The following SLC2A14 variants were observed in gnomAD, a reference collection of about 807,000 sequenced individuals.
The protein encoded by SLC2A14 is solute carrier family 2 member 14.
SLC2A14 carries 13 observed loss-of-function variants against 43.0 expected under a neutral mutation model. The observed-to-expected ratio is 0.30, with a 90% CI of 0.20 to 0.48. SLC2A14 has a LOEUF of 0.48. Ranked by LOEUF, SLC2A14 falls within the 20% of genes least tolerant of loss-of-function variation. The pLI, the probability that SLC2A14 is intolerant of heterozygous loss-of-function variation, is 0.99. For missense variants in SLC2A14, 428 were observed against 620.4 expected, an observed-to-expected ratio of 0.69 and a Z score of 3.29; for synonymous variants, 190 against 233.8, an observed-to-expected ratio of 0.81 and a Z score of 1.71.
intron 7 of SLC2A14, among the ~76,000 whole-genome samples, chr12:7,821,737 C>T (rs115768530): frequency 1.9e-3 from 288 of 152,016 alleles, no homozygotes; most frequent in South Asian, 5.4e-3. Context: ...TCTTTTTTGA[C>T]GGAGTCTCAA....
chr12:7,827,270 C>CTTTTTT (rs71038780), intron 7 of SLC2A14, among the ~76,000 whole-genome samples: 1 of 99,246 alleles, frequency 1.0e-5, no homozygotes, highest in Non-Finnish European at 1.9e-5. Context: ...TAATTTTTGT[C>CTTTTTT]TTTTTTTTTT....
At chr12:7,885,676 C>G (rs1489314054) in intron 1 of SLC2A14, among the ~76,000 whole-genome samples, 4 of 150,938 alleles carry the variant, frequency 2.7e-5, no homozygotes, top group Non-Finnish European at 4.4e-5. Flanking sequence ...GAAAAGTAAA[C>G]AGACAAACAA....
chr12:7,885,754 G>A (rs1423061291), intron 1 of SLC2A14, among the ~76,000 whole-genome samples: 1 of 151,954 alleles, frequency 6.6e-6, no homozygotes, highest in Non-Finnish European at 1.5e-5. Context: ...TTATTCAGTA[G>A]GTCTCGTGTG....
rs1479056943 is a variant in SLC2A14 at position 7,814,416 on chromosome 12, G to A, written c.1394C>T (p.Ala465Val). Residue 465 changes from alanine (A) to valine (V), a missense_variant, in exon 11 of 11, where the codon GCC (alanine) becomes GTC (valine). By Grantham distance (64) the Ala-to-Val change is moderately conservative (BLOSUM62 0). This residue lies in a region of SLC2A14 where 119 missense variants were observed against 188.7 expected (regional missense o/e 0.63). Transcript: ENST00000431042. The stretch of plus-strand genomic sequence containing the variant: ...TGCACCGTGTGCCTGCCCTTCAAAG[G>A]CCCGTGTGATATCCTCAAAAGTCCT... ...RGRTFEDITRAFEGQAHGADR... is the reference protein window; with the variant it reads ...RGRTFEDITRVFEGQAHGADR... 1 of 1,613,256 alleles carries A rather than the reference G, an allele frequency of 6.2e-7. No homozygotes were observed. Among genetic ancestry groups the A allele is most frequent in the Middle Eastern group, 1.7e-4 (1 of 6,056 alleles).
At chr12:7,854,736 C>CA (rs1425309930) in intron 2 of SLC2A14, among the ~76,000 whole-genome samples, 1 of 151,832 alleles carries the variant, frequency 6.6e-6, no homozygotes, top group Admixed American at 6.6e-5. Context: ...AGGCTGGTCT[C>CA]AAACTCCTGG....
chr12:7,877,968 C>T (rs1042458354), upstream of SLC2A14, among the ~76,000 whole-genome samples: 1 of 152,118 alleles, frequency 6.6e-6, no homozygotes, highest in Non-Finnish European at 1.5e-5. Context: ...GTCTCGAACT[C>T]CTGAGCTCGT....
In SLC2A14 at chr12:7,814,516, C is replaced by G; in HGVS notation, c.1294G>C (p.Val432Leu). The G allele has an allele frequency of 4.3e-6, 7 of 1,613,662 alleles. No homozygotes were observed. The highest frequency in any genetic ancestry group is 5.9e-6 in the Non-Finnish European group (7 of 1,179,808). Residue 432 changes from valine (V) to leucine (L), a missense_variant, in exon 11 of 11, where the codon GTT becomes CTT. Physicochemically the swap from Val to Leu is conservative, Grantham distance 32. This residue lies in a region of SLC2A14 where 119 missense variants were observed against 188.7 expected (regional missense o/e 0.63). Transcript: ENST00000431042. ...PSAAYYLGAY[V>L]FIIFTGFLIT... is the part of the protein sequence containing the mutation. ...AGGAAGCCGGTGAAGATAATAAAAACGTAGGCTCCTAAATAGTACTAGTGA... is the reference window on the plus strand; with the variant it reads ...AGGAAGCCGGTGAAGATAATAAAAAGGTAGGCTCCTAAATAGTACTAGTGA...
intron 1 of SLC2A14, among the ~76,000 whole-genome samples, chr12:7,883,867 G>T (rs1195881814): frequency 2.0e-5 from 3 of 151,762 alleles, no homozygotes; most frequent in African/African-American, 7.3e-5. Context: ...ACAGGCATGA[G>T]CCACCACGCC....
chr12:7,887,278 G>A (rs923231295), intron 1 of SLC2A14, among the ~76,000 whole-genome samples: 2 of 151,142 alleles, frequency 1.3e-5, no homozygotes, highest in Non-Finnish European at 2.9e-5. Flanking sequence ...ATAGCATTCA[G>A]AAAAATCACC....
chr12:7,873,799 C>A (rs1301863940), upstream of SLC2A14, among the ~76,000 whole-genome samples: 1 of 152,098 alleles, frequency 6.6e-6, no homozygotes, highest in Non-Finnish European at 1.5e-5. Flanking sequence ...TCATCCCCTG[C>A]TGCCCCATTG....
chr12:7,843,015 A>G (rs1474843984), intron 2 of SLC2A14, among the ~76,000 whole-genome samples: 1 of 152,072 alleles, frequency 6.6e-6, no homozygotes, highest in Non-Finnish European at 1.5e-5. Context: ...GGTGTGAGCC[A>G]CCGCGCCTGG....
Position 7,813,355 on chromosome 12 carries a change from C to T in SLC2A14, c.*961G>A, listed in dbSNP as rs1863177581. 2 of 152,156 alleles carry T rather than the reference C, an allele frequency of 1.3e-5. No homozygotes were observed. The highest frequency in any genetic ancestry group is 4.1e-4 in the South Asian group (2 of 4,826). The allele number at this position is 152,156 out of a possible 1,614,324, so 9.4% of individuals were successfully genotyped here. A position where few individuals can be genotyped will look rare whatever the true frequency, so the allele number is the denominator to read the frequency against. ...TACTTCAAAAGTAATGAGACTACTA[C>T]AAGGAGTTATTTCGTCCAGTGAGGG... On this transcript the variant is annotated 3_prime_UTR_variant, in exon 11 of 11. Transcript: ENST00000431042.
At chr12:7,880,505 T>A (rs1024840712) in intron 1 of SLC2A14, among the ~76,000 whole-genome samples, 2 of 151,248 alleles carry the variant, frequency 1.3e-5, no homozygotes, top group Admixed American at 6.6e-5. Context: ...TAATCAATAT[T>A]AATCAATATT....
At chr12:7,827,095 C>CTCTT (rs1555122320) in intron 7 of SLC2A14, among the ~76,000 whole-genome samples, 1,149 of 53,506 alleles carry the variant, frequency 0.021, 18 homozygotes, top group African/African-American at 0.065. Context: ...TTCTTTCTTT[C>CTCTT]TCTTTCTTTC....
At chr12:7,875,862 G>A (rs569826861), upstream of SLC2A14, among the ~76,000 whole-genome samples, 65 of 152,112 alleles carry the variant, frequency 4.3e-4, no homozygotes, top group Non-Finnish European at 7.8e-4. Context: ...TGTAATCCCA[G>A]GTACTCTGGA....
upstream of SLC2A14, among the ~76,000 whole-genome samples, chr12:7,876,864 G>A (rs868518999): frequency 2.0e-5 from 3 of 151,886 alleles, no homozygotes; most frequent in East Asian, 1.9e-4. Flanking sequence ...GCTAATATAC[G>A]TATTTGACTG....
chr12:7,815,713 A>G (rs1467518891), intron 10 of SLC2A14, among the ~76,000 whole-genome samples: 1 of 151,692 alleles, frequency 6.6e-6, no homozygotes, highest in African/African-American at 2.4e-5. Flanking sequence ...AGTAGCTGGG[A>G]TTACAGGTAT....
At chr12:7,864,589 C>T (rs374170494) in intron 2 of SLC2A14, among the ~76,000 whole-genome samples, 2 of 152,294 alleles carry the variant, frequency 1.3e-5, no homozygotes, top group Non-Finnish European at 1.5e-5. Flanking sequence ...CCGCCGGCCT[C>T]GGCCTCCCAA....
chr12:7,822,329 C>G (rs560517522), intron 7 of SLC2A14, among the ~76,000 whole-genome samples: 9 of 151,918 alleles, frequency 5.9e-5, no homozygotes, highest in Non-Finnish European at 1.3e-4. Context: ...TATGCTTATT[C>G]CCACTGTTCC....
Sources: allele counts gnomAD v4.1 joint callset (sites outside exome capture counted in the v4.1 genomes callset), GRCh38; gene constraint gnomAD v4.1.1; regional missense constraint gnomAD v4.1.1; transcripts MANE v1.5; gene names NCBI Gene and HGNC (gene_info 2026-07-23, HGNC 2026-07-21).